TBXAS1: variants seen among roughly 807,000 people sequenced by gnomAD.
TBXAS1 encodes thromboxane-A synthase.
TBXAS1 carries 48 observed loss-of-function variants against 60.7 expected under a neutral mutation model. The ratio of observed to expected loss-of-function variants is 0.79; its 90% CI spans 0.63 to 1.01. TBXAS1 has a LOEUF of 1.01. Among genes scored for constraint, TBXAS1 ranks in the 50% least tolerant of loss-of-function variants. TBXAS1 has a pLI of 0.00. For synonymous variants in TBXAS1, 287 were observed against 269.7 expected (o/e 1.06, Z -0.63); for missense variants, 685 against 686.3 (o/e 1.00, Z 0.02).
intron 3 of TBXAS1, among the ~76,000 whole-genome samples, chr7:139,879,262 G>A (rs1057144695): frequency 1.3e-5 from 2 of 152,206 alleles, no homozygotes; most frequent in Admixed American, 6.5e-5. Context: ...TATGTAGCCT[G>A]CTTTGCCAGG....
chr7:139,845,559 G>T (rs994839453), intron 1 of TBXAS1, among the ~76,000 whole-genome samples: 2 of 152,128 alleles, frequency 1.3e-5, no homozygotes, highest in African/African-American at 4.8e-5. Context: ...GGGCAGGATT[G>T]GTCCTTCCTC....
At chr7:139,863,072 G>T (rs1801081983) in intron 1 of TBXAS1, among the ~76,000 whole-genome samples, 1 of 151,968 alleles carries the variant, frequency 6.6e-6, no homozygotes, top group Admixed American at 6.6e-5. Flanking sequence ...ATATAAGAAT[G>T]GTATTTATTT....
chr7:139,965,183 C>T (rs1027676009), intron 9 of TBXAS1, among the ~76,000 whole-genome samples: 5 of 151,982 alleles, frequency 3.3e-5, no homozygotes, highest in Middle Eastern at 3.4e-3. Context: ...GTGCCATTGC[C>T]CTCCAGCCTG....
intron 4 of TBXAS1, among the ~76,000 whole-genome samples, chr7:139,935,766 CA>C (rs1807708467): frequency 6.6e-6 from 1 of 151,806 alleles, no homozygotes; most frequent in Non-Finnish European, 1.5e-5. Context: ...ACTTCGGGTC[CA>C]ACCTAACCAA....
intron 9 of TBXAS1, among the ~76,000 whole-genome samples, chr7:139,995,728 C>T (rs781342289): frequency 5.9e-5 from 9 of 152,190 alleles, no homozygotes; most frequent in Non-Finnish European, 1.3e-4. Flanking sequence ...GGGACTGATG[C>T]CATGGGGCCT....
At chr7:139,948,550 T>G (rs1327597455) in intron 5 of TBXAS1, among the ~76,000 whole-genome samples, 6 of 152,218 alleles carry the variant, frequency 3.9e-5, no homozygotes, top group Non-Finnish European at 5.9e-5. Flanking sequence ...ATATTTTATC[T>G]GATTATAAGT....
At chr7:139,816,737 G>T (rs1257543104) in intron 4 of TBXAS1, among the ~76,000 whole-genome samples, 2 of 152,210 alleles carry the variant, frequency 1.3e-5, no homozygotes, top group Non-Finnish European at 2.9e-5. Flanking sequence ...ATTTGCTGAA[G>T]TTGAACTACT....
chr7:139,860,696 A>G (rs1800900228), intron 1 of TBXAS1, among the ~76,000 whole-genome samples: 1 of 152,216 alleles, frequency 6.6e-6, no homozygotes, highest in Non-Finnish European at 1.5e-5. Context: ...ACCCCCTGCC[A>G]TCTCCAGAAG....
At chr7:139,784,011 G>GTTTTT (rs11340240) in intron 3 of TBXAS1, among the ~76,000 whole-genome samples, 3 of 132,066 alleles carry the variant, frequency 2.3e-5, no homozygotes, top group Non-Finnish European at 3.2e-5. Context: ...AGTTTTTTTT[G>GTTTTT]TTTTTTTTTT....
chr7:139,865,333 C>A (rs565007772), intron 1 of TBXAS1, among the ~76,000 whole-genome samples: 12 of 152,004 alleles, frequency 7.9e-5, no homozygotes, highest in African/African-American at 2.4e-4. Flanking sequence ...AGAAATGGGA[C>A]AAGGATAAAG....
At chr7:139,894,336 G>A (rs1803907626) in intron 3 of TBXAS1, among the ~76,000 whole-genome samples, 1 of 152,190 alleles carries the variant, frequency 6.6e-6, no homozygotes, top group Admixed American at 6.5e-5. Flanking sequence ...AGGGCATGGA[G>A]AATCACAGTG....
intron 1 of TBXAS1, among the ~76,000 whole-genome samples, chr7:139,856,910 G>A (rs1800621489): frequency 6.6e-6 from 1 of 152,184 alleles, no homozygotes; most frequent in African/African-American, 2.4e-5. Context: ...GCGTTATGGC[G>A]TCAACACCAA....
At chr7:139,961,182 C>T (rs565095395) in intron 8 of TBXAS1, among the ~76,000 whole-genome samples, 2 of 152,254 alleles carry the variant, frequency 1.3e-5, no homozygotes, top group South Asian at 4.1e-4. Context: ...GATATGAAGG[C>T]TAGGGGATGA....
chr7:139,975,389 T>G lies in TBXAS1; in HGVS notation c.1134+13156T>G, dbSNP rs1811490329. ...ACTCACGTTTCCCGACTCCTTAGTC[T>G]GTATTCTTTTCAACCTTGTCTCTAA... On this transcript the variant is annotated intron_variant, in intron 9 of 12. Transcript: ENST00000448866. This position sits in a 1 kb window ranked among gnomAD's most constrained non-coding sequence, Gnocchi z 4.4. Among the ~76,000 whole-genome samples the G allele has an allele frequency of 6.6e-6, 1 of 152,166 alleles. No individual in the cohort carries two copies. The highest frequency in any genetic ancestry group is 1.5e-5 in the Non-Finnish European group (1 of 68,020).
At position 139,911,378 on chromosome 7, in the gene TBXAS1, A is replaced by T. The variant is rs866472798; in HGVS notation, c.333+57A>T. The T allele has an allele frequency of 2.8e-6, 4 of 1,453,532 alleles. No homozygotes were observed. The African/African-American group carries it at 4.2e-5, about 15-fold the overall frequency. 90.0% of individuals were successfully genotyped at this position (1,453,532 alleles called of 1,614,324 possible). A position where few individuals can be genotyped will look rare whatever the true frequency, so the allele number is the denominator to read the frequency against. On this transcript the variant is annotated intron_variant, in intron 4 of 12. Transcript: ENST00000448866. The stretch of plus-strand genomic sequence containing the variant: ...TGGGGAATTGTTCTCAGATGGAGAC[A>T]CTGCATGTCAGATCCAATGGGGATG...
chr7:139,934,872 GC>G (rs1364793315), intron 4 of TBXAS1, among the ~76,000 whole-genome samples: 1 of 152,080 alleles, frequency 6.6e-6, no homozygotes, highest in African/African-American at 2.4e-5. Context: ...GAGTGCAGTG[GC>G]GCAATCTCAG....
At position 139,878,955 on chromosome 7, in the gene TBXAS1, A is replaced by G. The variant is rs116395673; in HGVS notation, c.236+3318A>G. On this transcript the variant is annotated intron_variant, in intron 3 of 12. Transcript: ENST00000448866. ...AGCTTGGCACTGAATGTTGGGAGAA[A>G]AATGGACAGGGCAAATCTCCTCACT... 3.1e-3 allele frequency among the ~76,000 whole-genome samples: 473 copies of G among 152,274 alleles called. 2 individuals carry two copies. The highest frequency in any genetic ancestry group is 0.011 in the African/African-American group (440 of 41,544).
intron 10 of TBXAS1, among the ~76,000 whole-genome samples, chr7:140,012,728 G>C (rs578126530): frequency 1.3e-5 from 2 of 152,114 alleles, no homozygotes; most frequent in Admixed American, 6.5e-5. Context: ...CAAAGTGCTG[G>C]GATTACAGGC....
chr7:139,999,110 C>T lies in TBXAS1; in HGVS notation c.1135-7981C>T, dbSNP rs1375823225. Reference sequence around the variant, plus strand: ...CCCCCTCTCATAACCAAACCTCCATCGTATCTCCCTGCAAGCCTTGAAACT... The same window carrying T: ...CCCCCTCTCATAACCAAACCTCCATTGTATCTCCCTGCAAGCCTTGAAACT... On this transcript the variant is annotated intron_variant, in intron 9 of 12. Coordinates refer to ENST00000448866, the MANE Select transcript of TBXAS1 (RefSeq NM_001061.7). The surrounding 1 kb of genome is among the most constrained non-coding windows in gnomAD (Gnocchi z 4.3). Among the ~76,000 whole-genome samples the T allele has an allele frequency of 2.0e-5, 3 of 152,226 alleles. No homozygotes were observed. The highest frequency in any genetic ancestry group is 4.4e-5 in the Non-Finnish European group (3 of 68,044).
Sources: gnomAD v4.1 joint callset for allele counts (sites outside exome capture counted in the v4.1 genomes callset) on GRCh38, gnomAD v4.1.1 for gene constraint, Gnocchi (gnomAD v3.1) non-coding constraint, MANE v1.5 for transcripts, NCBI Gene and HGNC (gene_info 2026-07-23, HGNC 2026-07-21) for gene names.